The following ZSWIM5 variants were observed in gnomAD, a reference collection of about 807,000 sequenced individuals.
The protein encoded by ZSWIM5 is zinc finger SWIM domain-containing protein 5.
Under a neutral mutation model 119.6 loss-of-function variants are expected in ZSWIM5, and 55 were observed. That is an observed-to-expected ratio of 0.46 (90% CI 0.37 to 0.58). The LOEUF (loss-of-function observed/expected upper bound fraction) is 0.58, where lower values mean the gene tolerates loss of function less well. Among genes scored for constraint, ZSWIM5 ranks in the 20% least tolerant of loss-of-function variants. The pLI is 0.00. For missense variants in ZSWIM5, 1,193 were observed against 1,512.8 expected, an observed-to-expected ratio of 0.79 and a Z score of 3.51; for synonymous variants, 537 against 606.9, an observed-to-expected ratio of 0.88 and a Z score of 1.69.
intron 5 of ZSWIM5, among the ~76,000 whole-genome samples, chr1:45,044,443 G>A (rs1452291083): frequency 6.6e-6 from 1 of 151,234 alleles, no homozygotes; most frequent in East Asian, 2.0e-4. Flanking sequence ...TAAAAATTGG[G>A]CCGGGTGCGG....
chr1:45,043,106 G>A (rs1645025824), intron 6 of ZSWIM5, 113 bp downstream of exon 6: 5 of 1,100,566 alleles, frequency 4.5e-6, no homozygotes, highest in Non-Finnish European at 6.7e-6. Flanking sequence ...AAATATCTGT[G>A]TGAAAACTGT....
rs1340457575 is a variant in ZSWIM5 at position 45,206,555 on chromosome 1, A to G, written c.-205T>C. On this transcript the variant is annotated 5_prime_UTR_variant, in exon 1 of 14. Transcript: ENST00000359600. ...GCGAGGGCAGACGCGGGCGGCCTGCAGGGTAGCGTGAGGCGGCGCGCGGTG... is the reference window on the plus strand; with the variant it reads ...GCGAGGGCAGACGCGGGCGGCCTGCGGGGTAGCGTGAGGCGGCGCGCGGTG... 1.0e-6 allele frequency: 1 copy of G among 1,004,132 alleles called. No homozygotes were observed. Among genetic ancestry groups the G allele is most frequent in the East Asian group, 1.0e-4 (1 of 9,544 alleles). 62.2% of individuals were successfully genotyped at this position (1,004,132 alleles called of 1,614,324 possible).
intron 1 of ZSWIM5, among the ~76,000 whole-genome samples, chr1:45,181,365 G>A (rs1450156712): frequency 3.9e-5 from 6 of 152,006 alleles, no homozygotes; most frequent in East Asian, 3.9e-4. Flanking sequence ...GAAATGAAGC[G>A]AGAAGGGAAG....
At chr1:45,205,201 C>T (rs770531732) in intron 1 of ZSWIM5, among the ~76,000 whole-genome samples, 3 of 151,498 alleles carry the variant, frequency 2.0e-5, no homozygotes, top group Non-Finnish European at 4.4e-5. Context: ...TGTTAGTCCG[C>T]AGCCTAGATT....
chr1:45,084,744 A>C (rs184965345), intron 2 of ZSWIM5, among the ~76,000 whole-genome samples: 28 of 152,334 alleles, frequency 1.8e-4, no homozygotes, highest in Non-Finnish European at 1.8e-4. Context: ...CATCCACGTG[A>C]CAGTGATGCA....
chr1:45,123,553 C>G (rs1481979363), intron 1 of ZSWIM5, among the ~76,000 whole-genome samples: 5 of 152,092 alleles, frequency 3.3e-5, no homozygotes, highest in African/African-American at 9.7e-5. Context: ...ATTACCTAAT[C>G]TGAAAAACAG....
At chr1:45,198,176 A>G (rs898800998) in intron 1 of ZSWIM5, among the ~76,000 whole-genome samples, 4 of 152,234 alleles carry the variant, frequency 2.6e-5, no homozygotes, top group African/African-American at 9.6e-5. Context: ...CAAACTTTCC[A>G]CTTGACAGGT....
intron 1 of ZSWIM5, among the ~76,000 whole-genome samples, chr1:45,134,164 T>C (rs1436072405): frequency 1.3e-5 from 2 of 152,182 alleles, no homozygotes; most frequent in Non-Finnish European, 2.9e-5. Context: ...ACTGGTAGCT[T>C]GATGGTGATG....
In ZSWIM5 at chr1:45,196,034, GT is replaced by G. The variant is rs34236930; in HGVS notation, c.595+9721del. Among the ~76,000 whole-genome samples the G allele has an allele frequency of 8.9e-3, 921 of 103,948 alleles. 2 individuals are homozygous for G. Among genetic ancestry groups the G allele is most frequent in the African/African-American group, 0.011 (306 of 28,194 alleles). 68.2% of individuals were successfully genotyped at this position (103,948 alleles called of 152,430 possible). A position where few individuals can be genotyped will look rare whatever the true frequency, so the allele number is the denominator to read the frequency against. On this transcript the variant is annotated intron_variant, in intron 1 of 13. Transcript: ENST00000359600. ...AGGTGAGCACCGTTACACCCAGCTA[GT>G]TTTTTTTTTTTTTTTTTTTTTTTAA... is the stretch of plus-strand genomic sequence containing the variant.
At chr1:45,109,040 C>T (rs1346357263) in intron 1 of ZSWIM5, among the ~76,000 whole-genome samples, 2 of 152,118 alleles carry the variant, frequency 1.3e-5, no homozygotes, top group African/African-American at 2.4e-5. Flanking sequence ...TGGTCAAGGC[C>T]GTATATCACC....
rs912116497 is a variant in ZSWIM5, at chr1:45,205,946, G to C, written c.405C>G (p.Ala135=). The C allele has an allele frequency of 4.0e-6, 5 of 1,253,264 alleles. No homozygotes were observed. The highest frequency in any genetic ancestry group is 5.0e-6 in the Non-Finnish European group (5 of 996,926). The allele number at this position is 1,253,264 out of a possible 1,614,324, so 77.6% of individuals were successfully genotyped here. Residue 135 remains alanine, a synonymous_variant, in exon 1 of 14, where the codon GCC becomes GCG. Coordinates refer to ENST00000359600, the MANE Select transcript of ZSWIM5 (RefSeq NM_020883.2). ...CGGGGGGTGGCTGCGGCCCCTCCTC[G>C]GCCGGCGAAGCCCCCGCGGCGCCGC... is the stretch of plus-strand genomic sequence containing the variant. ...AAGGAAGASP[A]EEGPQPPPGA...
At chr1:45,131,655 G>A (rs1645657283) in intron 1 of ZSWIM5, among the ~76,000 whole-genome samples, 1 of 150,726 alleles carries the variant, frequency 6.6e-6, no homozygotes, top group South Asian at 2.1e-4. Context: ...AACTCAAGAG[G>A]TGGAGGTTGC....
chr1:45,146,130 T>G (rs547722660), intron 1 of ZSWIM5, among the ~76,000 whole-genome samples: 1 of 152,186 alleles, frequency 6.6e-6, no homozygotes, highest in South Asian at 2.1e-4. Flanking sequence ...TTAACAAGTA[T>G]AGATAACTCT....
chr1:45,073,895 G>A (rs1645240198), intron 2 of ZSWIM5, among the ~76,000 whole-genome samples: 1 of 151,840 alleles, frequency 6.6e-6, no homozygotes, highest in Admixed American at 6.6e-5. Context: ...TTATTATGTT[G>A]AGGTATGTTC....
chr1:45,026,345 G>A (rs959519882), intron 11 of ZSWIM5, among the ~76,000 whole-genome samples: 1 of 151,910 alleles, frequency 6.6e-6, no homozygotes, highest in African/African-American at 2.4e-5. Flanking sequence ...GGTAATTGTA[G>A]GTTTTTTTGT....
chr1:45,067,679 T>C (rs1645193878), intron 2 of ZSWIM5, among the ~76,000 whole-genome samples: 1 of 151,956 alleles, frequency 6.6e-6, no homozygotes, highest in African/African-American at 2.4e-5. Context: ...AGGTGTGGAG[T>C]TCACAAACTG....
chr1:45,180,233 T>C (rs113127446), intron 1 of ZSWIM5, among the ~76,000 whole-genome samples: 2,190 of 152,254 alleles, frequency 0.014, 68 homozygotes, highest in African/African-American at 0.051. Context: ...CCCACCCGAA[T>C]ACTGCGCTTT....
chr1:45,096,254 C>T (rs1376276165), intron 1 of ZSWIM5, among the ~76,000 whole-genome samples: 1 of 152,002 alleles, frequency 6.6e-6, no homozygotes, highest in Non-Finnish European at 1.5e-5. Flanking sequence ...TAATGTTAGA[C>T]TTGGTAGTGT....
chr1:45,058,690 C>A lies in ZSWIM5; in HGVS notation c.1171G>T (p.Val391Leu). 2 of 1,614,200 alleles carry A rather than the reference C, an allele frequency of 1.2e-6. No homozygotes were observed. The highest frequency in any genetic ancestry group is 1.7e-6 in the Non-Finnish European group (2 of 1,180,030). The change falls in exon 4 of 14, where the codon GTG becomes TTG. Residue 391 changes from valine (V) to leucine (L), a missense_variant. Transcript: ENST00000359600. ...RMLTLITEQF[V>L]ADPRLTLWRQ... The stretch of plus-strand genomic sequence containing the variant: ...CAGAGTGTGAGTCGTGGGTCAGCCA[C>A]AAACTGCTCAGTTATTAGTGTCAGC...
Sources: gnomAD v4.1 joint callset for allele counts (sites outside exome capture counted in the v4.1 genomes callset) on GRCh38, gnomAD v4.1.1 for gene constraint, MANE v1.5 for transcripts, NCBI Gene and HGNC (gene_info 2026-07-23, HGNC 2026-07-21) for gene names.